The following RABGAP1 variants were observed in gnomAD, a reference collection of about 807,000 sequenced individuals.
RABGAP1 encodes the protein RAB GTPase activating protein 1.
RABGAP1 carries 23 observed loss-of-function variants against 137.6 expected under a neutral mutation model. The observed-to-expected ratio is 0.17, with a 90% CI of 0.12 to 0.24. The LOEUF is 0.24. Among genes scored for constraint, RABGAP1 ranks in the 10% least tolerant of loss-of-function variants. RABGAP1 has a pLI of 1.00. For synonymous variants in RABGAP1, 451 were observed against 450.7 expected, an observed-to-expected ratio of 1.00 and a Z score of -0.01; for missense variants, 906 against 1,275.8, an observed-to-expected ratio of 0.71 and a Z score of 4.42.
At chr9:123,080,654 A>G (rs2034677300) in intron 19 of RABGAP1, among the ~76,000 whole-genome samples, 1 of 152,174 alleles carries the variant, frequency 6.6e-6, no homozygotes, top group African/African-American at 2.4e-5. Flanking sequence ...TGCGTGAGGT[A>G]TGAGTACACA....
At chr9:122,955,632 T>G (rs898114685) in intron 1 of RABGAP1, among the ~76,000 whole-genome samples, 4 of 150,042 alleles carry the variant, frequency 2.7e-5, no homozygotes, top group African/African-American at 9.8e-5. Flanking sequence ...GATTTGTAAG[T>G]TTTTTTTTTC....
chr9:123,057,278 G>A (rs551988454), intron 13 of RABGAP1, among the ~76,000 whole-genome samples: 2 of 146,024 alleles, frequency 1.4e-5, no homozygotes, highest in African/African-American at 5.1e-5. Context: ...TGGGCGGAGG[G>A]GCTCCTCACT....
chr9:122,965,029 AAAC>A (rs990067010), intron 2 of RABGAP1, among the ~76,000 whole-genome samples: 9 of 152,306 alleles, frequency 5.9e-5, no homozygotes, highest in Middle Eastern at 3.4e-3. Flanking sequence ...GAAAAGTGAA[AAAC>A]AACAACAACA....
At chr9:123,036,203 A>C (rs1056365894) in intron 13 of RABGAP1, among the ~76,000 whole-genome samples, 2 of 152,260 alleles carry the variant, frequency 1.3e-5, no homozygotes, top group African/African-American at 4.8e-5. Context: ...TAGGGTGAAT[A>C]ATGTGAACAC....
chr9:123,042,457 C>G (rs1464869391), intron 13 of RABGAP1, among the ~76,000 whole-genome samples: 2 of 152,014 alleles, frequency 1.3e-5, no homozygotes, highest in Non-Finnish European at 2.9e-5. Context: ...AAGAAAACAA[C>G]CAAAAAACCC....
chr9:122,952,283 G>T (rs1834293920), intron 1 of RABGAP1, among the ~76,000 whole-genome samples: 2 of 151,968 alleles, frequency 1.3e-5, no homozygotes, highest in Admixed American at 1.3e-4. Flanking sequence ...TTTTGAGACA[G>T]AGTCTCGCTC....
In RABGAP1 at chr9:123,090,337, C is replaced by T. The variant is rs891508604; in HGVS notation, c.2580C>T (p.Ala860=). 1.9e-6 allele frequency: 3 copies of T among 1,613,342 alleles called. No homozygotes were observed. In the African/African-American group the frequency reaches 4.0e-5, roughly 22 times the overall value. The change falls in exon 21 of 26, where the codon GCC becomes GCT. Residue 860 remains alanine, a synonymous_variant. Coordinates refer to ENST00000373647, the MANE Select transcript of RABGAP1 (RefSeq NM_012197.4). ...MRLEQENDDL[A]HELVTSKIAL... ...TGGAACAGGAAAACGATGACTTAGC[C>T]CATGAGCTGGTGACCAGCAAGATTG...
rs1418170479 is a variant in RABGAP1, at chr9:122,989,316, A to G, written c.610A>G (p.Asn204Asp). Reference sequence around the variant, plus strand: ...GAACAGACTCTTAGATCCTCAGACAAACACTGAAATAGCAAACTACCCTAT... The same window carrying G: ...GAACAGACTCTTAGATCCTCAGACAGACACTGAAATAGCAAACTACCCTAT... ...GIVRLLDPQT[N>D]TEIANYPIYK... Residue 204 changes from asparagine to aspartate, a missense_variant, in exon 5 of 26, where the codon AAC (asparagine) becomes GAC (aspartate). Asn to Asp is a conservative substitution (Grantham distance 23). Around this residue, in one of 9 missense-constraint regions of RABGAP1, gnomAD observed 331 missense variants for 358.3 expected, o/e 0.92. Coordinates refer to ENST00000373647, the MANE Select transcript of RABGAP1 (RefSeq NM_012197.4). The G allele has an allele frequency of 1.2e-6, 2 of 1,613,404 alleles. No homozygotes were observed. The highest frequency in any genetic ancestry group is 1.7e-6 in the Non-Finnish European group (2 of 1,179,618).
At chr9:123,071,834 G>C (rs528051240) in intron 15 of RABGAP1, among the ~76,000 whole-genome samples, 26 of 152,130 alleles carry the variant, frequency 1.7e-4, no homozygotes, top group Non-Finnish European at 2.8e-4. Flanking sequence ...AAAGTGAATG[G>C]TACAGTATAC....
Position 122,964,208 on chromosome 9 carries a change from C to T in RABGAP1, c.150+6999C>T, listed in dbSNP as rs553060881. Reference sequence around the variant, plus strand: ...TAGAAAAGTAGGGAATACTTCCCAACTTACTCTATGAGAACACCATTACCC... The same window carrying T: ...TAGAAAAGTAGGGAATACTTCCCAATTTACTCTATGAGAACACCATTACCC... On this transcript the variant is annotated intron_variant, in intron 2 of 25. Transcript: ENST00000373647. Among the ~76,000 whole-genome samples the T allele has an allele frequency of 2.0e-5, 3 of 152,298 alleles. No individual in the cohort carries two copies. The East Asian group carries it at 5.8e-4, about 29-fold the overall frequency.
intron 2 of RABGAP1, among the ~76,000 whole-genome samples, chr9:122,982,573 G>A (rs1836128349): frequency 6.6e-6 from 1 of 152,144 alleles, no homozygotes; most frequent in Non-Finnish European, 1.5e-5. Flanking sequence ...TTTTTGGGAA[G>A]CTGTATAACT....
rs2034325389 is a variant in RABGAP1 at position 123,070,689 on chromosome 9, G to T, written c.1983+265G>T. 6.6e-6 allele frequency among the ~76,000 whole-genome samples: 1 copy of T among 152,150 alleles called. No homozygotes were observed. The highest frequency in any genetic ancestry group is 2.4e-5 in the African/African-American group (1 of 41,426). On this transcript the variant is annotated intron_variant, in intron 15 of 25. Coordinates refer to ENST00000373647, the MANE Select transcript of RABGAP1 (RefSeq NM_012197.4). The surrounding 1 kb of genome is among the most constrained non-coding windows in gnomAD (Gnocchi z 4.4). The stretch of plus-strand genomic sequence containing the variant: ...GATGATTGGAGAGACTTTAATGTTG[G>T]TTGAACTCTTGGGGACGTTTTATCT...
intron 2 of RABGAP1, among the ~76,000 whole-genome samples, chr9:122,968,927 ATGTACAATTAAACCATTTTTAC>A (rs1237432428): frequency 6.6e-6 from 1 of 152,172 alleles, no homozygotes; most frequent in African/African-American, 2.4e-5. Context: ...TTATTTTTAA[ATGTACAATTAAACCATTTTTAC>A]TGTAGTCACC....
At chr9:122,980,577 TC>T (rs1450504475) in intron 2 of RABGAP1, among the ~76,000 whole-genome samples, 1 of 152,226 alleles carries the variant, frequency 6.6e-6, no homozygotes, top group Non-Finnish European at 1.5e-5. Context: ...CCAGCCAGTT[TC>T]TTTACATCTG....
chr9:122,983,018 C>T (rs1369860278), intron 2 of RABGAP1, among the ~76,000 whole-genome samples: 3 of 151,996 alleles, frequency 2.0e-5, no homozygotes, highest in African/African-American at 2.4e-5. Context: ...CAGGCACATG[C>T]TACCATGCAC....
rs605546 is a variant in RABGAP1, at chr9:122,998,772, G to C, written c.1374+6G>C. 0.02 allele frequency: 31,108 copies of C among 1,551,030 alleles called. 554 individuals carry two copies. Among genetic ancestry groups the C allele is most frequent in the South Asian group, 0.064 (5,504 of 86,160 alleles). ...TCTTTTTGAAACTAAAACAGGTACT[G>C]TATTTTTCTATTAATATAGAAGGGG... On this transcript the variant is annotated splice_donor_region_variant and intron_variant, in intron 10 of 25. Coordinates refer to ENST00000373647, the MANE Select transcript of RABGAP1 (RefSeq NM_012197.4).
intron 1 of RABGAP1, among the ~76,000 whole-genome samples, chr9:122,952,254 T>A (rs995819342): frequency 8.6e-5 from 13 of 151,918 alleles, no homozygotes; most frequent in Admixed American, 7.9e-4. Flanking sequence ...TTAAATTTTT[T>A]ATTTTTTTTA....
intron 19 of RABGAP1, among the ~76,000 whole-genome samples, chr9:123,085,985 C>T (rs1408120348): frequency 1.3e-5 from 2 of 152,188 alleles, no homozygotes; most frequent in Admixed American, 1.3e-4. Context: ...GCATTGAGCA[C>T]TGGAGATACA....
At chr9:123,029,401 A>G in intron 13 of RABGAP1, 5 of 1,467,500 alleles carry the variant, frequency 3.4e-6, no homozygotes, top group Non-Finnish European at 4.8e-6. Flanking sequence ...CAGCAGCTGG[A>G]GCATCTCTGC....
Sources: gnomAD v4.1 joint callset for allele counts (sites outside exome capture counted in the v4.1 genomes callset) on GRCh38, gnomAD v4.1.1 for gene constraint, gnomAD v4.1.1 regional missense constraint, Gnocchi (gnomAD v3.1) non-coding constraint, MANE v1.5 for transcripts, NCBI Gene and HGNC (gene_info 2026-07-23, HGNC 2026-07-21) for gene names.